SNTG2: variants seen among roughly 807,000 people sequenced by gnomAD.
SNTG2 encodes the protein syntrophin gamma 2.
Under a neutral mutation model 70.9 loss-of-function variants are expected in SNTG2, and 74 were observed. That is an observed-to-expected ratio of 1.04 (90% CI 0.86 to 1.27). The LOEUF is 1.27. SNTG2 is among the 50% of genes most tolerant of loss of function. SNTG2 has a pLI of 0.00. For missense variants in SNTG2, 717 were observed against 690.7 expected (o/e 1.04, Z -0.43); for synonymous variants, 278 against 273.8 (o/e 1.02, Z -0.15).
At chr2:1,244,312 T>TA (rs1677260640) in intron 11 of SNTG2, among the ~76,000 whole-genome samples, 1 of 152,182 alleles carries the variant, frequency 6.6e-6, no homozygotes, top group Non-Finnish European at 1.5e-5. Context: ...TCCTCCCTCT[T>TA]ACTAACTTTG....
chr2:1,322,583 C>T (rs1681581447), intron 16 of SNTG2, among the ~76,000 whole-genome samples: 1 of 152,140 alleles, frequency 6.6e-6, no homozygotes, highest in African/African-American at 2.4e-5. Context: ...AGATTCAACT[C>T]CCTGAGTCTC....
intron 4 of SNTG2, among the ~76,000 whole-genome samples, chr2:1,136,264 G>T (rs1300958921): frequency 6.6e-6 from 1 of 151,792 alleles, no homozygotes; most frequent in African/African-American, 2.4e-5. Context: ...CCCTCGTGTG[G>T]CTAGAGAGGG....
chr2:1,271,665 C>T (rs1679025742), intron 14 of SNTG2, among the ~76,000 whole-genome samples: 1 of 152,110 alleles, frequency 6.6e-6, no homozygotes, highest in African/African-American at 2.4e-5. Context: ...GCTCCCCTCC[C>T]AGTCATAAGA....
intron 8 of SNTG2, among the ~76,000 whole-genome samples, chr2:1,175,931 G>GGTTCTCCTGGTTCTCCCA (rs1449489578): frequency 2.0e-5 from 3 of 152,250 alleles, no homozygotes; most frequent in East Asian, 1.9e-4. Flanking sequence ...GAGGCTGCCT[G>GGTTCTCCTGGTTCTCCCA]GTTCTCCTGG....
intron 13 of SNTG2, among the ~76,000 whole-genome samples, chr2:1,262,650 T>A (rs79638123): frequency 0.042 from 4,580 of 110,042 alleles, 233 homozygotes; most frequent in African/African-American, 0.059. Context: ...AGTCCAGACG[T>A]AGTAACCGGA....
Position 965,559 on chromosome 2 carries a change from T to C in SNTG2, c.72+14491T>C, listed in dbSNP as rs555440283. Among the ~76,000 whole-genome samples the C allele has an allele frequency of 2.8e-4, 43 of 151,190 alleles. No homozygotes were observed. In the South Asian group the frequency reaches 3.4e-3, roughly 12 times the overall value. ...GTCCTCCTCCTTGACCCCCTGGTCC[T>C]CTTCTGTGGTCCCCTCCTCCTCTGT... On this transcript the variant is annotated intron_variant, in intron 1 of 16. Coordinates refer to ENST00000308624, the MANE Select transcript of SNTG2 (RefSeq NM_018968.4).
At chr2:1,223,917 C>T (rs900626335) in intron 9 of SNTG2, among the ~76,000 whole-genome samples, 2 of 132,602 alleles carry the variant, frequency 1.5e-5, no homozygotes, top group African/African-American at 5.2e-5. Flanking sequence ...CCCTCGAGCT[C>T]TGGAGGCCGT....
chr2:1,161,204 G>A (rs189456866), intron 6 of SNTG2: 2 of 152,304 alleles, frequency 1.3e-5, no homozygotes, highest in East Asian at 3.9e-4. Context: ...GATCACTTGA[G>A]TCCAGAAGGC....
At chr2:1,137,306 A>G (rs1668452299) in intron 4 of SNTG2, among the ~76,000 whole-genome samples, 1 of 152,156 alleles carries the variant, frequency 6.6e-6, no homozygotes, top group African/African-American at 2.4e-5. Context: ...GCACCTGCAC[A>G]CACACACATC....
intron 1 of SNTG2, among the ~76,000 whole-genome samples, chr2:1,016,808 A>C (rs1379651950): frequency 1.3e-5 from 2 of 152,248 alleles, no homozygotes; most frequent in Middle Eastern, 3.2e-3. Context: ...ATTAAAATGT[A>C]GCAAAATTAG....
chr2:1,141,234 AAT>A (rs1668728261), intron 6 of SNTG2, among the ~76,000 whole-genome samples: 3 of 152,210 alleles, frequency 2.0e-5, no homozygotes, highest in African/African-American at 7.2e-5. Flanking sequence ...TTTTCCATTT[AAT>A]GACATGTGTT....
At chr2:1,004,396 C>G (rs970109119) in intron 1 of SNTG2, among the ~76,000 whole-genome samples, 2 of 152,142 alleles carry the variant, frequency 1.3e-5, no homozygotes, top group African/African-American at 4.8e-5. Flanking sequence ...AAGCCAAAGA[C>G]TTGTAGAAAG....
intron 9 of SNTG2, among the ~76,000 whole-genome samples, chr2:1,222,109 C>CTGTCTCTCTCTGTCTCTG (rs760978420): frequency 2.2e-5 from 1 of 44,530 alleles, no homozygotes; most frequent in Non-Finnish European, 4.6e-5. Context: ...CTCTCTGTCT[C>CTGTCTCTCTCTGTCTCTG]TCTCTGTCTC....
chr2:1,215,327 A>G (rs1314761011), intron 9 of SNTG2, among the ~76,000 whole-genome samples: 1 of 152,124 alleles, frequency 6.6e-6, no homozygotes, highest in Non-Finnish European at 1.5e-5. Flanking sequence ...GTTTTTCACT[A>G]TTTATTTGGT....
chr2:1,341,491 G>A (rs1660084608), intron 16 of SNTG2: 1 of 152,296 alleles, frequency 6.6e-6, no homozygotes, highest in African/African-American at 2.4e-5. Context: ...CTTGGCTGCA[G>A]ACGAAGTCTC....
At chr2:1,273,871 T>G (rs1320136911) in intron 14 of SNTG2, among the ~76,000 whole-genome samples, 6 of 151,924 alleles carry the variant, frequency 3.9e-5, no homozygotes, top group Admixed American at 3.9e-4. Context: ...AGAGAAGATA[T>G]GAAAACTGGG....
chr2:1,009,571 T>C (rs1203546844), intron 1 of SNTG2, among the ~76,000 whole-genome samples: 2 of 142,200 alleles, frequency 1.4e-5, no homozygotes, highest in Non-Finnish European at 1.5e-5. Context: ...TGGTGTGGGT[T>C]GTGTGTATGG....
chr2:1,149,283 T>C (rs1170983169), intron 6 of SNTG2, among the ~76,000 whole-genome samples: 1 of 151,678 alleles, frequency 6.6e-6, no homozygotes, highest in Non-Finnish European at 1.5e-5. Context: ...AATGAGATTG[T>C]GTGGAGGTTG....
At chr2:1,156,289 C>G (rs1490763237) in intron 6 of SNTG2, among the ~76,000 whole-genome samples, 3 of 152,032 alleles carry the variant, frequency 2.0e-5, no homozygotes, top group Non-Finnish European at 4.4e-5. Flanking sequence ...TTAGATAGAT[C>G]GAGGGCAGCT....
Sources: gnomAD v4.1 joint callset for allele counts (sites outside exome capture counted in the v4.1 genomes callset) on GRCh38, gnomAD v4.1.1 for gene constraint, MANE v1.5 for transcripts, NCBI Gene and HGNC (gene_info 2026-07-23, HGNC 2026-07-21) for gene names.